PLD6: variants seen among roughly 807,000 people sequenced by gnomAD.
PLD6 encodes mitochondrial cardiolipin hydrolase.
Under a neutral mutation model 9.7 loss-of-function variants are expected in PLD6, and 10 were observed. That is an observed-to-expected ratio of 1.03 (90% CI 0.64 to 1.75). PLD6 has a LOEUF of 1.75. Among genes scored for constraint, PLD6 ranks in the 40% most tolerant of loss-of-function variants. The pLI is 0.00. For missense variants in PLD6, 334 were observed against 347.6 expected (o/e 0.96, Z 0.31); for synonymous variants, 152 against 159.2 (o/e 0.96, Z 0.34).
chr17:17,203,721 A>G (rs534459776), intron 1 of PLD6, among the ~76,000 whole-genome samples: 1 of 152,332 alleles, frequency 6.6e-6, no homozygotes, highest in South Asian at 2.1e-4. Flanking sequence ...CTCCCCTGGA[A>G]TAACACTGCC....
chr17:17,205,734 G>C (rs986606911), intron 1 of PLD6, 126 bp downstream of exon 1: 1 of 1,142,006 alleles, frequency 8.8e-7, no homozygotes, highest in African/African-American at 1.6e-5. Context: ...GACCCCACAA[G>C]GCCACGAGGA....
At position 17,202,733 on chromosome 17, in the gene PLD6, G is replaced by A. The variant is rs2046684973; in HGVS notation, c.*34C>T. ...AGGTCTCCCTCCCTCAGAACGCACA[G>A]CAGCCCGCAGGGAGGGCTCAGCCCC... On this transcript the variant is annotated 3_prime_UTR_variant, in exon 2 of 2. Transcript: ENST00000321560. The A allele has an allele frequency of 1.9e-6, 3 of 1,578,906 alleles. No individual in the cohort carries two copies. The highest frequency in any genetic ancestry group is 2.6e-6 in the Non-Finnish European group (3 of 1,156,196).
Position 17,202,732 on chromosome 17 carries a change from A to G in PLD6, c.*35T>C, listed in dbSNP as rs1437624079. On this transcript the variant is annotated 3_prime_UTR_variant, in exon 2 of 2. Transcript: ENST00000321560. ...GAGGTCTCCCTCCCTCAGAACGCAC[A>G]GCAGCCCGCAGGGAGGGCTCAGCCC... 3 of 1,579,146 alleles carry G rather than the reference A, an allele frequency of 1.9e-6. No individual in the cohort carries two copies. Among genetic ancestry groups the G allele is most frequent in the South Asian group, 2.3e-5 (2 of 88,154 alleles).
intron 1 of PLD6, 86 bp from the exon 2 acceptor site, chr17:17,203,184 A>C: frequency 2.2e-6 from 3 of 1,364,246 alleles, no homozygotes; most frequent in Non-Finnish European, 3.0e-6. Flanking sequence ...GCTTTACTAT[A>C]TGTTTCCAGT....
chr17:17,204,641 A>G (rs980566800), intron 1 of PLD6, among the ~76,000 whole-genome samples: 6 of 152,180 alleles, frequency 3.9e-5, no homozygotes, highest in African/African-American at 1.4e-4. Flanking sequence ...GGGCCCTTGA[A>G]GGGTCTTCAC....
At chr17:17,205,048 T>C (rs764448879) in intron 1 of PLD6, among the ~76,000 whole-genome samples, 1 of 149,718 alleles carries the variant, frequency 6.7e-6, no homozygotes, top group Non-Finnish European at 1.5e-5. Context: ...CGTGCAGGCG[T>C]GACTTTCTGG....
At position 17,202,913 on chromosome 17, in the gene PLD6, T is replaced by C. The variant is rs1025013889; in HGVS notation, c.613A>G (p.Ile205Val). The C allele has an allele frequency of 6.2e-7, 1 of 1,614,092 alleles. No homozygotes were observed. Among genetic ancestry groups the C allele is most frequent in the African/African-American group, 1.3e-5 (1 of 74,938 alleles). ...VRLFLEEFER[I>V]WEQFNPTKYT... is the part of the protein sequence containing the mutation. ...TTTGTAGGGTTAAACTGTTCCCAGATGCGCTCAAATTCTTCCAGAAAAAGC... is the reference window on the plus strand; with the variant it reads ...TTTGTAGGGTTAAACTGTTCCCAGACGCGCTCAAATTCTTCCAGAAAAAGC... Residue 205 changes from isoleucine to valine, a missense_variant, in exon 2 of 2, where the codon ATC becomes GTC. Physicochemically the swap from Ile to Val is conservative, Grantham distance 29. Coordinates refer to ENST00000321560, the MANE Select transcript of PLD6 (RefSeq NM_178836.4).
rs2046717334 is a variant in PLD6, at chr17:17,206,052, C to T, written c.235G>A (p.Ala79Thr). 1 of 1,528,130 alleles carries T rather than the reference C, an allele frequency of 6.5e-7. No homozygotes were observed. The highest frequency in any genetic ancestry group is 8.8e-7 in the Non-Finnish European group (1 of 1,142,550). 94.7% of individuals were successfully genotyped at this position (1,528,130 alleles called of 1,614,324 possible). Residue 79 changes from alanine (A) to threonine (T), a missense_variant, in exon 1 of 2, where the codon GCG becomes ACG. By Grantham distance (58) the Ala-to-Thr change is moderately conservative. Coordinates refer to ENST00000321560, the MANE Select transcript of PLD6 (RefSeq NM_178836.4). Reference sequence around the variant, plus strand: ...AGGGCACGCAGCAGGCGGCTTAGCGCGCTCTCGCCGTGGGGCAGGCCGCAC... The same window carrying T: ...AGGGCACGCAGCAGGCGGCTTAGCGTGCTCTCGCCGTGGGGCAGGCCGCAC... ...CPCGLPHGESALSRLLRALLA... is the reference protein window; with the variant it reads ...CPCGLPHGESTLSRLLRALLA...
In PLD6 at chr17:17,201,120, A is replaced by G. The variant is rs1043039201; in HGVS notation, c.*1647T>C. 2 of 152,260 alleles carry G rather than the reference A, an allele frequency of 1.3e-5. No homozygotes were observed. The highest frequency in any genetic ancestry group is 2.9e-5 in the Non-Finnish European group (2 of 68,054). 9.4% of individuals were successfully genotyped at this position (152,260 alleles called of 1,614,324 possible). The stretch of plus-strand genomic sequence containing the variant: ...GAACATACACTGGGGGAATTCACAA[A>G]CTAAAACAATTTCTGGTGACTTCCA... On this transcript the variant is annotated 3_prime_UTR_variant, in exon 2 of 2. Transcript: ENST00000321560.
At position 17,206,323 on chromosome 17, in the gene PLD6, C is replaced by A. The variant is rs759139187; in HGVS notation, c.-37G>T. On this transcript the variant is annotated 5_prime_UTR_variant, in exon 1 of 2. Transcript: ENST00000321560. The stretch of plus-strand genomic sequence containing the variant: ...TCCGGGACCCACAGCCACGCCGCCG[C>A]AGCGGAGTCTGCGCGCCCCCAGCCC... 3 of 1,484,468 alleles carry A rather than the reference C, an allele frequency of 2.0e-6. No homozygotes were observed. The highest frequency in any genetic ancestry group is 2.7e-6 in the Non-Finnish European group (3 of 1,127,776). 92.0% of individuals were successfully genotyped at this position (1,484,468 alleles called of 1,614,324 possible). A position where few individuals can be genotyped will look rare whatever the true frequency, so the allele number is the denominator to read the frequency against.
At position 17,205,880 on chromosome 17, in the gene PLD6, AT is replaced by A; in HGVS notation, c.406del (p.Ile136SerfsTer123). The A allele has an allele frequency of 6.4e-7, 1 of 1,573,058 alleles. No individual in the cohort carries two copies. The highest frequency in any genetic ancestry group is 8.6e-7 in the Non-Finnish European group (1 of 1,160,510). ...CCTACCTGCCTTGCGCAGCAGACCG[AT>A]TTGCGAGCCGTTGAGGGCCATGTAG... ...CDYMALNGSQ[I>X]GLLRKAGIQV... is the part of the protein sequence containing the mutation. On this transcript the variant is annotated frameshift_variant, in exon 1 of 2. Transcript: ENST00000321560. LOFTEE classifies it low-confidence loss of function (END_TRUNC).
chr17:17,204,475 G>GGCCTTGT (rs1478708884), intron 1 of PLD6: 1 of 152,290 alleles, frequency 6.6e-6, no homozygotes, highest in Non-Finnish European at 1.5e-5. Context: ...GTGGCAACCT[G>GGCCTTGT]GCCTTGTGCC....
In PLD6 at chr17:17,201,056, T is replaced by C. The variant is rs1290880334; in HGVS notation, c.*1711A>G. ...AAGTCCAGGGTCACGCGGCTTCGCA[T>C]TTAGGAGATGCTTTACAAGCTCTCC... On this transcript the variant is annotated 3_prime_UTR_variant, in exon 2 of 2. Coordinates refer to ENST00000321560, the MANE Select transcript of PLD6 (RefSeq NM_178836.4). The C allele has an allele frequency of 6.6e-6, 1 of 152,272 alleles. No homozygotes were observed. The highest frequency in any genetic ancestry group is 1.5e-5 in the Non-Finnish European group (1 of 68,058). 9.4% of individuals were successfully genotyped at this position (152,272 alleles called of 1,614,324 possible).
Position 17,201,047 on chromosome 17 carries a change from G to A in PLD6, c.*1720C>T, listed in dbSNP as rs1006568880. 6 of 152,220 alleles carry A rather than the reference G, an allele frequency of 3.9e-5. No homozygotes were observed. Among genetic ancestry groups the A allele is most frequent in the Non-Finnish European group, 5.9e-5 (4 of 68,046 alleles). 9.4% of individuals were successfully genotyped at this position (152,220 alleles called of 1,614,324 possible). ...ATGTGCCAGAAGTCCAGGGTCACGCGGCTTCGCATTTAGGAGATGCTTTAC... is the reference window on the plus strand; with the variant it reads ...ATGTGCCAGAAGTCCAGGGTCACGCAGCTTCGCATTTAGGAGATGCTTTAC... On this transcript the variant is annotated 3_prime_UTR_variant, in exon 2 of 2. Coordinates refer to ENST00000321560, the MANE Select transcript of PLD6 (RefSeq NM_178836.4).
chr17:17,202,630 C>G lies in PLD6; in HGVS notation c.*137G>C. 1.1e-6 allele frequency: 1 copy of G among 873,880 alleles called. No individual in the cohort carries two copies. Among genetic ancestry groups the G allele is most frequent in the East Asian group, 2.6e-5 (1 of 37,834 alleles). The allele number at this position is 873,880 out of a possible 1,614,324, so 54.1% of individuals were successfully genotyped here. On this transcript the variant is annotated 3_prime_UTR_variant, in exon 2 of 2. Transcript: ENST00000321560. ...AACTGACCCGAAGTAACAGAAATTT[C>G]CCTTTCCTAACCTTCTTTAGTTCAA... is the stretch of plus-strand genomic sequence containing the variant.
rs1186865717 is a variant in PLD6, at chr17:17,206,049, G to C, written c.238C>G (p.Leu80Val). ...PCGLPHGESA[L>V]SRLLRALLAA... is the part of the protein sequence containing the mutation. ...AGCAGGGCACGCAGCAGGCGGCTTA[G>C]CGCGCTCTCGCCGTGGGGCAGGCCG... Residue 80 changes from leucine (L) to valine (V), a missense_variant, in exon 1 of 2, where the codon CTA (leucine) becomes GTA (valine). Coordinates refer to ENST00000321560, the MANE Select transcript of PLD6 (RefSeq NM_178836.4). 10 of 1,529,576 alleles carry C rather than the reference G, an allele frequency of 6.5e-6. No individual in the cohort carries two copies. Among genetic ancestry groups the C allele is most frequent in the Non-Finnish European group, 7.9e-6 (9 of 1,143,152 alleles). 94.8% of individuals were successfully genotyped at this position (1,529,576 alleles called of 1,614,324 possible). A position where few individuals can be genotyped will look rare whatever the true frequency, so the allele number is the denominator to read the frequency against.
Position 17,202,553 on chromosome 17 carries a change from C to T in PLD6, c.*214G>A, listed in dbSNP as rs1007402633. 1.5e-5 allele frequency: 9 copies of T among 583,606 alleles called. No individual in the cohort carries two copies. The highest frequency in any genetic ancestry group is 5.6e-5 in the African/African-American group (3 of 53,570). 36.2% of individuals were successfully genotyped at this position (583,606 alleles called of 1,614,324 possible). ...CTCATGAAAGCACCCCGTGGCAGGT[C>T]GTGACTGAAGTTATTTTGGCAAAGG... On this transcript the variant is annotated 3_prime_UTR_variant, in exon 2 of 2. Transcript: ENST00000321560.
At chr17:17,203,659 G>A (rs773472395) in intron 1 of PLD6, among the ~76,000 whole-genome samples, 2 of 152,126 alleles carry the variant, frequency 1.3e-5, no homozygotes, top group Non-Finnish European at 2.9e-5. Flanking sequence ...AGGCATCCCG[G>A]CCTCTGCTCT....
Position 17,202,861 on chromosome 17 carries a change from C to T in PLD6, c.665G>A (p.Ser222Asn). 1 of 1,614,164 alleles carries T rather than the reference C, an allele frequency of 6.2e-7. No individual in the cohort carries two copies. The highest frequency in any genetic ancestry group is 1.6e-4 in the Middle Eastern group (1 of 6,062). Residue 222 changes from serine to asparagine, a missense_variant, in exon 2 of 2, where the codon AGT becomes AAT. Transcript: ENST00000321560. ...TKYTFFPPKK[S>N]HGSCAPPVSR... Reference sequence around the variant, plus strand: ...GACAGGTGGGGCACAGCTTCCGTGACTTTTCTTTGGTGGGAAAAAGGTATA... The same window carrying T: ...GACAGGTGGGGCACAGCTTCCGTGATTTTTCTTTGGTGGGAAAAAGGTATA...
Sources: allele counts gnomAD v4.1 joint callset (sites outside exome capture counted in the v4.1 genomes callset), GRCh38; gene constraint gnomAD v4.1.1; transcripts MANE v1.5; gene names NCBI Gene and HGNC (gene_info 2026-07-23, HGNC 2026-07-21).